The following ZNF69 variants were observed in gnomAD, a reference collection of about 807,000 sequenced individuals.
ZNF69 encodes the protein zinc finger protein 69, also known as ZNF3.
Under a neutral mutation model 50.9 loss-of-function variants are expected in ZNF69, and 47 were observed. That is an observed-to-expected ratio of 0.92 (90% CI 0.73 to 1.18). ZNF69 has a LOEUF of 1.18. ZNF69 is among the 50% of genes most tolerant of loss of function. ZNF69 has a pLI of 0.00. For missense variants in ZNF69, 717 were observed against 675.1 expected, an observed-to-expected ratio of 1.06 and a Z score of -0.69; for synonymous variants, 216 against 223.1, an observed-to-expected ratio of 0.97 and a Z score of 0.29.
In ZNF69 at chr19:11,905,968, A is replaced by G. The variant is rs1013730605; in HGVS notation, c.1571A>G (p.His524Arg). The change falls in exon 4 of 4, where the codon CAT becomes CGT. Residue 524 changes from histidine (H) to arginine (R), a missense_variant. By Grantham distance (29) the His-to-Arg change is conservative. Coordinates refer to ENST00000429654, the MANE Select transcript of ZNF69 (RefSeq NM_001364730.1). ...AFSSSSSFRY[H>R]ERTHTGEKPY... The stretch of plus-strand genomic sequence containing the variant: ...AGTAGTTCCAGTTCCTTTCGATACC[A>G]TGAAAGGACTCACACTGGAGAGAAA... 4 of 1,614,106 alleles carry G rather than the reference A, an allele frequency of 2.5e-6. No individual in the cohort carries two copies. The highest frequency in any genetic ancestry group is 2.2e-5 in the South Asian group (2 of 91,082).
chr19:11,925,303 CG>C, the ZNF69 span: 1 of 1,608,286 alleles, frequency 6.2e-7, no homozygotes. Context: ...TGTCGTGAGA[CG>C]GGGGAGGGGC....
At chr19:11,900,598 C>T (rs141600583) in intron 1 of ZNF69, among the ~76,000 whole-genome samples, 401 of 152,266 alleles carry the variant, frequency 2.6e-3, no homozygotes, top group Middle Eastern at 0.014. Flanking sequence ...GTGATCCACC[C>T]GTCTCTGCCT....
chr19:11,965,261 A>T, the ZNF69 span: 5 of 1,611,794 alleles, frequency 3.1e-6, no homozygotes, highest in African/African-American at 5.3e-5. Flanking sequence ...GCTGCCTGGA[A>T]CCGGCCGGAA....
chr19:11,979,615 A>T, the ZNF69 span: 1 of 1,605,860 alleles, frequency 6.2e-7, no homozygotes, highest in African/African-American at 1.3e-5. Context: ...CTCACACTGG[A>T]GAGAAACCCT....
At chr19:11,940,488 C>T in the ZNF69 span, among the ~76,000 whole-genome samples, 1 of 151,888 alleles carries the variant, frequency 6.6e-6, no homozygotes, top group African/African-American at 2.4e-5. Flanking sequence ...GCTCTTAAGG[C>T]AGCGCGTCTG....
At chr19:11,918,508 G>C (rs1450106508), downstream of ZNF69, among the ~76,000 whole-genome samples, 1 of 151,842 alleles carries the variant, frequency 6.6e-6, no homozygotes, top group Non-Finnish European at 1.5e-5. Context: ...ATTTTAATTT[G>C]AGACATCCTT....
chr19:11,930,311 C>G, the ZNF69 span, among the ~76,000 whole-genome samples: 1 of 148,284 alleles, frequency 6.7e-6, no homozygotes, highest in Non-Finnish European at 1.5e-5. Flanking sequence ...TCCCAAAAGA[C>G]AAGGAAAGGC....
chr19:11,959,011 T>C, the ZNF69 span, among the ~76,000 whole-genome samples: 1 of 152,178 alleles, frequency 6.6e-6, no homozygotes. Flanking sequence ...GCCTCCCAAG[T>C]TGCTGGGACT....
the ZNF69 span, chr19:11,947,423 C>T: frequency 2.5e-6 from 4 of 1,600,148 alleles, no homozygotes; most frequent in South Asian, 4.5e-5. Flanking sequence ...ATAAATGAGG[C>T]ATGGCTGCAG....
chr19:11,977,231 T>C, the ZNF69 span: 1 of 1,607,708 alleles, frequency 6.2e-7, no homozygotes, highest in Non-Finnish European at 8.5e-7. Flanking sequence ...ATGAATGCTG[T>C]TGAGTCATTT....
rs757835299 is a variant in ZNF69 at position 11,904,944 on chromosome 19, C to G, written c.547C>G (p.Gln183Glu). ...FRYHPSFRTP[Q>E]RDHTGEKPYA... ...ATATCACCCCTCCTTTAGAACACCA[C>G]AAAGGGATCACACTGGAGAGAAACC... The change falls in exon 4 of 4, where the codon CAA becomes GAA. Residue 183 changes from glutamine to glutamate, a missense_variant. Gln to Glu is a conservative substitution (Grantham distance 29). Coordinates refer to ENST00000429654, the MANE Select transcript of ZNF69 (RefSeq NM_001364730.1). 6.2e-6 allele frequency: 10 copies of G among 1,614,174 alleles called. No individual in the cohort carries two copies. The highest frequency in any genetic ancestry group is 1.1e-5 in the South Asian group (1 of 91,080).
At chr19:11,979,176 T>C in the ZNF69 span, 1 of 1,612,270 alleles carries the variant, frequency 6.2e-7, no homozygotes, top group East Asian at 2.2e-5. Flanking sequence ...AAACTCACAC[T>C]GGAGAGAAAC....
At chr19:11,939,402 A>G in the ZNF69 span, among the ~76,000 whole-genome samples, 7 of 152,164 alleles carry the variant, frequency 4.6e-5, no homozygotes, top group Non-Finnish European at 7.3e-5. Context: ...TAATTTTTGT[A>G]TAAGGCGTAA....
chr19:11,954,369 C>T, the ZNF69 span, among the ~76,000 whole-genome samples: 3 of 152,174 alleles, frequency 2.0e-5, no homozygotes, highest in African/African-American at 7.2e-5. Context: ...TTCTGCTTTT[C>T]ATTCAGACTT....
the ZNF69 span, chr19:11,949,334 G>T: frequency 8.6e-5 from 139 of 1,609,078 alleles, no homozygotes; most frequent in Non-Finnish European, 1.1e-4. Flanking sequence ...CGAGTGCACG[G>T]TGGGACTCAC....
rs1184925343 is a variant in ZNF69, at chr19:11,905,735, T to A, written c.1338T>A (p.Cys446Ter). The change falls in exon 4 of 4, where the codon TGT (cysteine) becomes TGA (stop). Residue 446 changes from cysteine to a stop codon, truncating the protein, a stop_gained. Transcript: ENST00000429654. LOFTEE classifies it high-confidence loss of function. The stretch of plus-strand genomic sequence containing the variant: ...ACACTGGAGAGAAGCCCTATGAATG[T>A]CAGGAATGTGGGAAAGCCTTCAGAT... ...RTHTGEKPYE[C>*]QECGKAFRSM... The A allele has an allele frequency of 6.2e-7, 1 of 1,610,558 alleles. No individual in the cohort carries two copies. The highest frequency in any genetic ancestry group is 2.2e-5 in the East Asian group (1 of 44,614).
At chr19:11,954,619 C>T in the ZNF69 span, among the ~76,000 whole-genome samples, 1 of 152,074 alleles carries the variant, frequency 6.6e-6, no homozygotes, top group Non-Finnish European at 1.5e-5. Context: ...TCACTTGAGC[C>T]CAGGAGCTCA....
the ZNF69 span, among the ~76,000 whole-genome samples, chr19:11,976,125 G>C: frequency 6.7e-6 from 1 of 148,240 alleles, no homozygotes; most frequent in Non-Finnish European, 1.5e-5. Context: ...TCCTGCTCTT[G>C]GGTAGCTATC....
chr19:11,903,479 T>C lies in ZNF69; in HGVS notation c.64-94T>C. On this transcript the variant is annotated intron_variant, in intron 1 of 3. Transcript: ENST00000429654. ...GAAAGAGATCTGATGACCCTTGGAG[T>C]CCACGGCATCCTGAGAACTTCTTGA... 3.2e-6 allele frequency: 5 copies of C among 1,562,502 alleles called. No individual in the cohort carries two copies. In the East Asian group the frequency reaches 6.8e-5, roughly 21 times the overall value.
Sources: gnomAD v4.1 joint callset for allele counts (sites outside exome capture counted in the v4.1 genomes callset) on GRCh38, gnomAD v4.1.1 for gene constraint, MANE v1.5 for transcripts, NCBI Gene and HGNC (gene_info 2026-07-23, HGNC 2026-07-21) for gene names.